Variants in PKHD1L1 observed in about 807,000 individuals in gnomAD.
PKHD1L1 encodes PKHD1 like 1.
In PKHD1L1, 434 loss-of-function variants were observed where a neutral mutation model predicts 462.9. That is an observed-to-expected ratio of 0.94 (90% CI 0.87 to 1.02). The LOEUF (loss-of-function observed/expected upper bound fraction) is 1.02. PKHD1L1 is among the 50% of genes least tolerant of loss of function. The pLI, the probability that PKHD1L1 is intolerant of heterozygous loss-of-function variation, is 0.00. For synonymous variants in PKHD1L1, 1,781 were observed against 1,750.0 expected, an observed-to-expected ratio of 1.02 and a Z score of -0.44; for missense variants, 5,202 against 5,096.1, an observed-to-expected ratio of 1.02 and a Z score of -0.63.
intron 18 of PKHD1L1, 118 bp from the exon 19 acceptor site, chr8:109,409,747 A>G (rs1411120565): frequency 2.0e-6 from 1 of 505,668 alleles, no homozygotes; most frequent in Non-Finnish European, 3.4e-6. Context: ...AATCATGACT[A>G]AAATATGGGA....
chr8:109,426,896 G>A (rs539633288), intron 24 of PKHD1L1, 106 bp from the exon 25 acceptor site: 11 of 678,236 alleles, frequency 1.6e-5, no homozygotes, highest in African/African-American at 5.4e-5. Flanking sequence ...CAGGTGACCC[G>A]CCCGCTTTGG....
chr8:109,429,389 G>A lies in PKHD1L1; in HGVS notation c.3050G>A (p.Arg1017Lys), dbSNP rs1371708265. ...GAAAAGGCTAATATGACAGTTACAA[G>A]GATAAAGGAAGGTGGCTTATTCAGA... The part of the protein sequence containing the change: ...IGEKANMTVT[R>K]IKEGGLFRQH... The change falls in exon 26 of 78, where the codon AGG (arginine) becomes AAG (lysine). Residue 1017 changes from arginine to lysine, a missense_variant. By Grantham distance (26) the Arg-to-Lys change is conservative. Around this residue, in one of 3 missense-constraint regions of PKHD1L1, gnomAD observed 4,497 missense variants for 4,336.8 expected, o/e 1.04. Coordinates refer to ENST00000378402, the MANE Select transcript of PKHD1L1 (RefSeq NM_177531.6). 12 of 1,578,734 alleles carry A rather than the reference G, an allele frequency of 7.6e-6. No individual in the cohort carries two copies. In the East Asian group the frequency reaches 2.5e-4, roughly 33 times the overall value.
rs1818949110 is a variant in PKHD1L1, at chr8:109,493,766, C to T, written c.10327+15C>T. ...ACCTTGCCCAGGTAAGTCTTTTAAA[C>T]CAGGAATCGCTAAAACTAGGAAATA... On this transcript the variant is annotated intron_variant, in intron 63 of 77. Transcript: ENST00000378402. 2 of 1,530,942 alleles carry T rather than the reference C, an allele frequency of 1.3e-6. No individual in the cohort carries two copies. Among genetic ancestry groups the T allele is most frequent in the Admixed American group, 3.9e-5 (2 of 51,034 alleles). 94.8% of individuals were successfully genotyped at this position (1,530,942 alleles called of 1,614,324 possible). A position where few individuals can be genotyped will look rare whatever the true frequency, so the allele number is the denominator to read the frequency against.
chr8:109,497,430 CTTT>C (rs11475834), intron 65 of PKHD1L1, among the ~76,000 whole-genome samples, 158 bp downstream of exon 65: 42 of 113,496 alleles, frequency 3.7e-4, no homozygotes, highest in Admixed American at 1.6e-3. Context: ...AAAAACCGTT[CTTT>C]TTTTTTTTTT....
At chr8:109,387,031 A>G (rs1166137738) in intron 6 of PKHD1L1, among the ~76,000 whole-genome samples, 1 of 152,112 alleles carries the variant, frequency 6.6e-6, no homozygotes, top group Non-Finnish European at 1.5e-5. Context: ...TTGGGCAAGA[A>G]AGTCTTGGAG....
At position 109,429,997 on chromosome 8, in the gene PKHD1L1, C is replaced by T; in HGVS notation, c.3189C>T (p.Ser1063=). 1 of 1,611,342 alleles carries T rather than the reference C, an allele frequency of 6.2e-7. No individual in the cohort carries two copies. The highest frequency in any genetic ancestry group is 8.5e-7 in the Non-Finnish European group (1 of 1,178,934). Residue 1063 remains serine (S), a synonymous_variant, in exon 27 of 78, where the codon TCC becomes TCT. Transcript: ENST00000378402. ...GTGACTGTGGATTTACATGGGATTCCAACATTACTCCCCTAGTCTTGGCGA... is the reference window on the plus strand; with the variant it reads ...GTGACTGTGGATTTACATGGGATTCTAACATTACTCCCCTAGTCTTGGCGA... The part of the protein sequence containing the change: ...CSGDCGFTWD[S]NITPLVLAIS...
At chr8:109,481,362 T>C (rs1449951756) in intron 55 of PKHD1L1, 71 bp from the exon 56 acceptor site, 1 of 1,401,704 alleles carries the variant, frequency 7.1e-7, no homozygotes, top group East Asian at 2.6e-5. Context: ...GACTTCTGAA[T>C]TCCTTTTTTA....
intron 17 of PKHD1L1, 65 bp from the exon 18 acceptor site, chr8:109,407,984 A>G: frequency 2.8e-6 from 3 of 1,073,680 alleles, no homozygotes; most frequent in Admixed American, 3.8e-5. Context: ...TATAAAATAT[A>G]TAGTTTTATA....
intron 21 of PKHD1L1, among the ~76,000 whole-genome samples, chr8:109,417,869 T>C (rs2130632832): frequency 6.6e-6 from 1 of 152,256 alleles, no homozygotes. Flanking sequence ...TATTTCTAGA[T>C]CTGCTTTAAT....
chr8:109,455,714 A>G (rs1816784159), intron 45 of PKHD1L1, among the ~76,000 whole-genome samples: 1 of 152,184 alleles, frequency 6.6e-6, no homozygotes, highest in Admixed American at 6.5e-5. Context: ...AGGGCAACAT[A>G]CTATTTAAAG....
chr8:109,498,961 G>GT, intron 67 of PKHD1L1, 190 bp downstream of exon 67: 1 of 551,076 alleles, frequency 1.8e-6, no homozygotes, highest in Non-Finnish European at 3.1e-6. Flanking sequence ...TTCTTATACT[G>GT]TATGTTGAAG....
intron 28 of PKHD1L1, among the ~76,000 whole-genome samples, chr8:109,434,736 C>T (rs1348151213): frequency 3.9e-5 from 6 of 152,064 alleles, no homozygotes; most frequent in Admixed American, 1.3e-4. Context: ...TCTAAAGTGC[C>T]GGGATTACAG....
At chr8:109,429,679 A>G (rs1814981482) in intron 26 of PKHD1L1, among the ~76,000 whole-genome samples, 1 of 152,182 alleles carries the variant, frequency 6.6e-6, no homozygotes, top group South Asian at 2.1e-4. Flanking sequence ...CTACTATGCC[A>G]GAATTTGAAA....
Position 109,491,892 on chromosome 8 carries a change from T to C in PKHD1L1, c.10134T>C (p.Asn3378=). 1 of 1,604,226 alleles carries C rather than the reference T, an allele frequency of 6.2e-7. No homozygotes were observed. Among genetic ancestry groups the C allele is most frequent in the Non-Finnish European group, 8.5e-7 (1 of 1,172,844 alleles). The change falls in exon 62 of 78, where the codon AAT becomes AAC. Residue 3378 remains asparagine, a synonymous_variant. Coordinates refer to ENST00000378402, the MANE Select transcript of PKHD1L1 (RefSeq NM_177531.6). ...TVGEGIRIWG[N]ANRVRGNLIA... is the part of the protein sequence containing the mutation. ...AAACAGGCATAAGAATATGGGGGAA[T>C]GCCAACCGAGTCCGAGGGAATTTGA... is the stretch of plus-strand genomic sequence containing the variant.
chr8:109,483,103 C>A lies in PKHD1L1; in HGVS notation c.9574C>A (p.Gln3192Lys). ...VLSLMDAVDWQEGEEIVITTT... is the reference protein window; with the variant it reads ...VLSLMDAVDWKEGEEIVITTT... Reference sequence around the variant, plus strand: ...GTCTCTGATGGATGCTGTGGATTGGCAGGTAGACAAAATAATTATGTAATG... The same window carrying A: ...GTCTCTGATGGATGCTGTGGATTGGAAGGTAGACAAAATAATTATGTAATG... The change falls in exon 57 of 78, where the codon CAG becomes AAG. Residue 3192 changes from glutamine (Q) to lysine (K), a missense_variant and splice_region_variant. Physicochemically the swap from Gln to Lys is moderately conservative, Grantham distance 53 (BLOSUM62 1). This residue lies in a region of PKHD1L1 where 4,497 missense variants were observed against 4,336.8 expected (regional missense o/e 1.04). Coordinates refer to ENST00000378402, the MANE Select transcript of PKHD1L1 (RefSeq NM_177531.6). 6.4e-7 allele frequency: 1 copy of A among 1,566,732 alleles called. No individual in the cohort carries two copies. The highest frequency in any genetic ancestry group is 8.7e-7 in the Non-Finnish European group (1 of 1,155,936).
chr8:109,387,173 C>A (rs770163607), intron 6 of PKHD1L1, among the ~76,000 whole-genome samples: 10 of 152,108 alleles, frequency 6.6e-5, no homozygotes, highest in Admixed American at 1.3e-4. Context: ...ATTCAGGAGA[C>A]CTGCTTCTCA....
At chr8:109,435,742 AG>A (rs1414996107) in intron 29 of PKHD1L1, among the ~76,000 whole-genome samples, 1 of 152,188 alleles carries the variant, frequency 6.6e-6, no homozygotes, top group Non-Finnish European at 1.5e-5. Context: ...TGGGGAAAGG[AG>A]GGCTAACACA....
At position 109,461,760 on chromosome 8, in the gene PKHD1L1, A is replaced by T. The variant is rs1351531878; in HGVS notation, c.7247-12A>T. 2 of 1,599,816 alleles carry T rather than the reference A, an allele frequency of 1.3e-6. No homozygotes were observed. Among genetic ancestry groups the T allele is most frequent in the South Asian group, 1.1e-5 (1 of 87,756 alleles). ...CAATTTTTTTAATGATGCTTTAAAA[A>T]CTGTTTTGAAGGAGAATTTGCTACA... is the stretch of plus-strand genomic sequence containing the variant. On this transcript the variant is annotated splice_polypyrimidine_tract_variant and intron_variant, in intron 47 of 77. Transcript: ENST00000378402.
At chr8:109,407,239 T>A (rs953466079) in intron 17 of PKHD1L1, among the ~76,000 whole-genome samples, 4 of 152,192 alleles carry the variant, frequency 2.6e-5, no homozygotes, top group Non-Finnish European at 1.5e-5. Context: ...ATGTAATTGT[T>A]TATTTGATTG....
Sources: gnomAD v4.1 joint callset for allele counts (sites outside exome capture counted in the v4.1 genomes callset) on GRCh38, gnomAD v4.1.1 for gene constraint, gnomAD v4.1.1 regional missense constraint, MANE v1.5 for transcripts, NCBI Gene and HGNC (gene_info 2026-07-23, HGNC 2026-07-21) for gene names.